The following PCDHGA1 variants were observed in gnomAD, a reference collection of about 807,000 sequenced individuals.
PCDHGA1 encodes the protein protocadherin gamma-A1.
A neutral mutation model predicts 58.0 loss-of-function variants in PCDHGA1; 32 were observed. The observed-to-expected ratio is 0.55, with a 90% CI of 0.42 to 0.74. The LOEUF is 0.74. Ranked by LOEUF, PCDHGA1 falls within the 30% of genes least tolerant of loss-of-function variation. PCDHGA1 has a pLI of 0.00. For synonymous variants in PCDHGA1, 498 were observed against 501.1 expected (o/e 0.99, Z 0.08); for missense variants, 1,205 against 1,182.3 (o/e 1.02, Z -0.28).
chr5:141,359,990 C>A, intron 1 of PCDHGA1: 3 of 999,454 alleles, frequency 3.0e-6, no homozygotes, highest in South Asian at 4.7e-5. Flanking sequence ...TAGAGGGGAA[C>A]TTCCTGCACA....
intron 1 of PCDHGA1, chr5:141,359,898 A>G: frequency 2.5e-6 from 1 of 399,476 alleles, no homozygotes; most frequent in Admixed American, 4.1e-5. Context: ...AAATATTGAC[A>G]AGCCATTAGT....
chr5:141,347,483 A>T (rs1757972664), intron 1 of PCDHGA1, among the ~76,000 whole-genome samples: 1 of 152,050 alleles, frequency 6.6e-6, no homozygotes, highest in Non-Finnish European at 1.5e-5. Flanking sequence ...AATAACATAA[A>T]AATTGGAGAA....
chr5:141,406,344 A>G (rs1227863234), intron 1 of PCDHGA1, among the ~76,000 whole-genome samples: 1 of 152,148 alleles, frequency 6.6e-6, no homozygotes, highest in Non-Finnish European at 1.5e-5. Flanking sequence ...TCATTTATTC[A>G]GGTCATACTA....
At chr5:141,456,215 C>T (rs1465130067) in intron 1 of PCDHGA1, among the ~76,000 whole-genome samples, 2 of 152,048 alleles carry the variant, frequency 1.3e-5, no homozygotes, top group African/African-American at 2.4e-5. Flanking sequence ...CTCCCTGTGG[C>T]GATATCAAAC....
chr5:141,384,465 T>C, intron 1 of PCDHGA1: 2 of 1,614,118 alleles, frequency 1.2e-6, no homozygotes, highest in Non-Finnish European at 1.7e-6. Flanking sequence ...CCTTTGATTA[T>C]GAGCAGTTGA....
At chr5:141,451,945 C>T (rs906800803) in intron 1 of PCDHGA1, among the ~76,000 whole-genome samples, 1 of 151,970 alleles carries the variant, frequency 6.6e-6, no homozygotes, top group Non-Finnish European at 1.5e-5. Flanking sequence ...AGGGAAAGAC[C>T]GAGAAAGTGA....
chr5:141,419,705 C>A, intron 1 of PCDHGA1: 1 of 1,613,038 alleles, frequency 6.2e-7, no homozygotes, highest in South Asian at 1.1e-5. Flanking sequence ...TGAGCCCGGG[C>A]TCTTCAGCCT....
Position 141,415,188 on chromosome 5 carries a change from C to G in PCDHGA1, c.2422-79619C>G, listed in dbSNP as rs2095841560. On this transcript the variant is annotated intron_variant, in intron 1 of 3. Coordinates refer to ENST00000517417, the MANE Select transcript of PCDHGA1 (RefSeq NM_018912.3). Reference sequence around the variant, plus strand: ...CGCTCACCGTGGCCGTGGCCGACAGCATCCCCCAAGTCCTGGCGGACCTCG... The same window carrying G: ...CGCTCACCGTGGCCGTGGCCGACAGGATCCCCCAAGTCCTGGCGGACCTCG... 3 of 1,614,006 alleles carry G rather than the reference C, an allele frequency of 1.9e-6. No homozygotes were observed. The East Asian group carries it at 6.7e-5, about 36-fold the overall frequency.
Position 141,332,319 on chromosome 5 carries a change from C to T in PCDHGA1, c.1635C>T (p.Asn545=), listed in dbSNP as rs750027140. The change falls in exon 1 of 4, where the codon AAC becomes AAT. Residue 545 remains asparagine (N), a synonymous_variant. Transcript: ENST00000517417. This position sits in a 1 kb window ranked among gnomAD's most constrained non-coding sequence, Gnocchi z 4.6. ...GTGGGGATCCGCCCCTCAGCAGCAA[C>T]GTGTCTCTCAGCCTATTCCTGCTGG... is the stretch of plus-strand genomic sequence containing the variant. ...RDSGDPPLSS[N]VSLSLFLLDQ... is the part of the protein sequence containing the mutation. 5.0e-6 allele frequency: 8 copies of T among 1,614,204 alleles called. No individual in the cohort carries two copies. The South Asian group carries it at 7.7e-5, about 16-fold the overall frequency.
chr5:141,439,190 CA>C (rs200519543), intron 1 of PCDHGA1, among the ~76,000 whole-genome samples: 2,445 of 111,432 alleles, frequency 0.022, 39 homozygotes, highest in African/African-American at 0.057. Flanking sequence ...GAGACTCTGA[CA>C]AAAAAAAAAA....
chr5:141,340,809 A>T, intron 1 of PCDHGA1: 1 of 1,612,114 alleles, frequency 6.2e-7, no homozygotes, highest in Non-Finnish European at 8.5e-7. Context: ...AAGGCCAGCG[A>T]GCCGGGACTC....
At chr5:141,419,311 C>G (rs745852942) in intron 1 of PCDHGA1, 1 of 1,613,994 alleles carries the variant, frequency 6.2e-7, no homozygotes, top group Non-Finnish European at 8.5e-7. Flanking sequence ...TCGGGCTCAA[C>G]GGCCGTGTCT....
Position 141,491,498 on chromosome 5 carries a change from C to G in PCDHGA1, c.2422-3309C>G. Reference sequence around the variant, plus strand: ...TCCAGCCCCAACCTGCAGGTGAGCTCGGACGGCACGCTCAAGTACATGGAG... The same window carrying G: ...TCCAGCCCCAACCTGCAGGTGAGCTGGGACGGCACGCTCAAGTACATGGAG... On this transcript the variant is annotated intron_variant, in intron 1 of 3. Transcript: ENST00000517417. The surrounding 1 kb of genome is among the most constrained non-coding windows in gnomAD (Gnocchi z 6.9). The G allele has an allele frequency of 6.2e-7, 1 of 1,614,102 alleles. No homozygotes were observed. Among genetic ancestry groups the G allele is most frequent in the Non-Finnish European group, 8.5e-7 (1 of 1,180,018 alleles).
chr5:141,498,713 C>T (rs1216279302), intron 2 of PCDHGA1, among the ~76,000 whole-genome samples: 1 of 152,148 alleles, frequency 6.6e-6, no homozygotes, highest in East Asian at 1.9e-4. Flanking sequence ...GGGTGGATCA[C>T]CTGAGGTCAG....
chr5:141,413,989 G>C, intron 1 of PCDHGA1: 1 of 1,613,400 alleles, frequency 6.2e-7, no homozygotes, highest in East Asian at 2.2e-5. Context: ...CACAGCCACC[G>C]ACAGGGACGA....
At chr5:141,492,009 G>C in intron 1 of PCDHGA1, 1 of 617,702 alleles carries the variant, frequency 1.6e-6, no homozygotes, top group Non-Finnish European at 2.7e-6. Flanking sequence ...GATTTCCGCG[G>C]GTGTCGGGGG....
intron 1 of PCDHGA1, chr5:141,415,755 T>TTTG: frequency 1.4e-6 from 2 of 1,387,632 alleles, no homozygotes; most frequent in Middle Eastern, 2.6e-4. Context: ...TTTTTTTTTT[T>TTTG]TTTTTTTTTT....
chr5:141,466,195 C>G (rs1269214888), intron 1 of PCDHGA1, among the ~76,000 whole-genome samples: 1 of 151,748 alleles, frequency 6.6e-6, no homozygotes, highest in Non-Finnish European at 1.5e-5. Flanking sequence ...TTTTCAGACA[C>G]AGCCTTGCTC....
chr5:141,430,949 GT>G (rs1391027030), intron 1 of PCDHGA1: 5 of 1,610,510 alleles, frequency 3.1e-6, no homozygotes, highest in Non-Finnish European at 4.2e-6. Flanking sequence ...GGAGCGCGGA[GT>G]CCGCATCATC....
Sources: allele counts gnomAD v4.1 joint callset (sites outside exome capture counted in the v4.1 genomes callset), GRCh38; gene constraint gnomAD v4.1.1; non-coding constraint Gnocchi (gnomAD v3.1); transcripts MANE v1.5; gene names NCBI Gene and HGNC (gene_info 2026-07-23, HGNC 2026-07-21).